The following MBNL1 variants were observed in gnomAD, a reference collection of about 807,000 sequenced individuals.
MBNL1 encodes the protein muscleblind-like protein 1.
A neutral mutation model predicts 42.2 loss-of-function variants in MBNL1; 8 were observed. That is an observed-to-expected ratio of 0.19 (90% CI 0.11 to 0.34). The LOEUF (loss-of-function observed/expected upper bound fraction) is 0.34, where lower values mean the gene tolerates loss of function less well. Ranked by LOEUF, MBNL1 falls within the 10% of genes least tolerant of loss-of-function variation. The pLI is 1.00. For synonymous variants in MBNL1, 169 were observed against 173.9 expected, an observed-to-expected ratio of 0.97 and a Z score of 0.22; for missense variants, 309 against 495.3, an observed-to-expected ratio of 0.62 and a Z score of 3.57.
chr3:152,370,970 T>C (rs1488148540), intron 2 of MBNL1, among the ~76,000 whole-genome samples: 1 of 152,196 alleles, frequency 6.6e-6, no homozygotes, highest in East Asian at 1.9e-4. Flanking sequence ...GTCTGTGTCT[T>C]TTAACGGGGG....
rs374391139 is a variant in MBNL1, at chr3:152,270,704, T to C, written c.-790+1612T>C. Among the ~76,000 whole-genome samples, 8 of 152,374 alleles carry C rather than the reference T, an allele frequency of 5.3e-5. No individual in the cohort carries two copies. In the East Asian group the frequency reaches 1.3e-3, roughly 26 times the overall value. On this transcript the variant is annotated intron_variant, in intron 1 of 9. Coordinates refer to ENST00000324210, the MANE Select transcript of MBNL1 (RefSeq NM_021038.5). ...CACATCGCTGTCACTTGTATCTTGC[T>C]TTCTTAAAGTTGGTGACAACTAAGG...
chr3:152,346,540 A>G (rs957165467), intron 2 of MBNL1, among the ~76,000 whole-genome samples: 4 of 152,128 alleles, frequency 2.6e-5, no homozygotes, highest in African/African-American at 9.7e-5. Context: ...ATACAAGATA[A>G]CCACATATTT....
At chr3:152,268,742 T>C (rs780188735), upstream of MBNL1, 1 of 452,510 alleles carries the variant, frequency 2.2e-6, no homozygotes, top group African/African-American at 2.0e-5. Context: ...GGCGACCCTG[T>C]GGCCCGGGGA....
At chr3:152,296,988 C>T (rs1268756247) in intron 1 of MBNL1, among the ~76,000 whole-genome samples, 1 of 152,098 alleles carries the variant, frequency 6.6e-6, no homozygotes, top group South Asian at 2.1e-4. Context: ...AGAGATAATT[C>T]AGAGAAGGCA....
At chr3:152,446,766 A>G in intron 5 of MBNL1, 1 of 1,610,136 alleles carries the variant, frequency 6.2e-7, no homozygotes, top group Non-Finnish European at 8.5e-7. Flanking sequence ...TGGTACTATG[A>G]CCTTTCACCT....
chr3:152,297,509 C>T (rs2059137097), intron 1 of MBNL1, among the ~76,000 whole-genome samples: 1 of 151,692 alleles, frequency 6.6e-6, no homozygotes, highest in Non-Finnish European at 1.5e-5. Context: ...GCCACCATGC[C>T]CGGCTAATTT....
intron 2 of MBNL1, among the ~76,000 whole-genome samples, chr3:152,359,762 C>G (rs1462034265): frequency 6.6e-6 from 1 of 152,160 alleles, no homozygotes; most frequent in Non-Finnish European, 1.5e-5. Flanking sequence ...GCTCCAGGCC[C>G]TTTCTTCTAT....
At chr3:152,384,351 C>T (rs1370969614) in intron 2 of MBNL1, among the ~76,000 whole-genome samples, 7 of 152,002 alleles carry the variant, frequency 4.6e-5, no homozygotes, top group African/African-American at 1.7e-4. Flanking sequence ...GAAGTTGCTG[C>T]TTCTGGGTTT....
chr3:152,353,090 T>C (rs1045756520), intron 2 of MBNL1, among the ~76,000 whole-genome samples: 2 of 152,218 alleles, frequency 1.3e-5, no homozygotes. Flanking sequence ...TTTTGTCTTT[T>C]ATATGAGAGT....
chr3:152,445,145 T>C, intron 4 of MBNL1, 137 bp from the exon 5 acceptor site: 4 of 654,736 alleles, frequency 6.1e-6, no homozygotes, highest in Non-Finnish European at 1.0e-5. Context: ...CTGAAGTTAC[T>C]TGTTGCCTTG....
chr3:152,391,072 A>G (rs1436843884), intron 2 of MBNL1, among the ~76,000 whole-genome samples: 3 of 152,312 alleles, frequency 2.0e-5, no homozygotes, highest in Non-Finnish European at 2.9e-5. Context: ...TATCAGGGAG[A>G]TAGTATAGTT....
At chr3:152,458,235 A>G in intron 8 of MBNL1, 2 of 1,570,530 alleles carry the variant, frequency 1.3e-6, no homozygotes, top group Non-Finnish European at 8.8e-7. Flanking sequence ...TTTTCGTGCC[A>G]TTTGCCAATG....
chr3:152,300,693 ATGCATATAT>A (rs2060372246), intron 2 of MBNL1, among the ~76,000 whole-genome samples: 3 of 152,210 alleles, frequency 2.0e-5, no homozygotes, highest in Admixed American at 2.0e-4. Flanking sequence ...TGTTTAGCAT[ATGCATATAT>A]TATATATAAG....
At chr3:152,428,202 C>G (rs767895163) in intron 3 of MBNL1, among the ~76,000 whole-genome samples, 8 of 152,124 alleles carry the variant, frequency 5.3e-5, no homozygotes, top group Non-Finnish European at 1.2e-4. Flanking sequence ...TTGCTTGTTT[C>G]TGTGGCAGAG....
At chr3:152,324,480 C>T (rs1285036966) in intron 2 of MBNL1, among the ~76,000 whole-genome samples, 1 of 152,102 alleles carries the variant, frequency 6.6e-6, no homozygotes, top group Non-Finnish European at 1.5e-5. Context: ...CTTCCCAATT[C>T]CATGTTCAAT....
chr3:152,278,865 T>C (rs2046808627), intron 1 of MBNL1, among the ~76,000 whole-genome samples: 1 of 152,086 alleles, frequency 6.6e-6, no homozygotes, highest in African/African-American at 2.4e-5. Flanking sequence ...TATAATTACA[T>C]AGTGTCTTTC....
intron 2 of MBNL1, among the ~76,000 whole-genome samples, chr3:152,392,026 A>G (rs749177479): frequency 2.0e-4 from 30 of 152,178 alleles, no homozygotes; most frequent in Admixed American, 5.9e-4. Context: ...CGTTTCTTTT[A>G]CTGAACATGT....
At chr3:152,339,087 A>G (rs2092333910) in intron 2 of MBNL1, among the ~76,000 whole-genome samples, 1 of 152,162 alleles carries the variant, frequency 6.6e-6, no homozygotes, top group African/African-American at 2.4e-5. Context: ...TAATGAATAT[A>G]TCTTCAAATT....
chr3:152,360,712 C>A (rs1354715878), intron 2 of MBNL1, among the ~76,000 whole-genome samples: 1 of 151,980 alleles, frequency 6.6e-6, no homozygotes, highest in Non-Finnish European at 1.5e-5. Context: ...AAAAATTAAA[C>A]CCAACAAAAA....
Sources: gnomAD v4.1 joint callset for allele counts (sites outside exome capture counted in the v4.1 genomes callset) on GRCh38, gnomAD v4.1.1 for gene constraint, MANE v1.5 for transcripts, NCBI Gene and HGNC (gene_info 2026-07-23, HGNC 2026-07-21) for gene names.